Variants in RYR3 observed in about 807,000 individuals in gnomAD.
RYR3 encodes the protein ryanodine receptor 3.
In RYR3, 207 loss-of-function variants were observed where a neutral mutation model predicts 584.3. The observed-to-expected ratio is 0.35, with a 90% CI of 0.32 to 0.40. The LOEUF (loss-of-function observed/expected upper bound fraction) is 0.40, where lower values mean the gene tolerates loss of function less well. Ranked by LOEUF, RYR3 falls within the 10% of genes least tolerant of loss-of-function variation. RYR3 has a pLI of 1.00. For synonymous variants in RYR3, 2,416 were observed against 2,248.5 expected (o/e 1.07, Z -2.11); for missense variants, 5,616 against 6,089.2 (o/e 0.92, Z 2.59).
In RYR3 at chr15:33,603,354, C is replaced by T; in HGVS notation, c.2154C>T (p.His718=). 1 of 1,592,810 alleles carries T rather than the reference C, an allele frequency of 6.3e-7. No individual in the cohort carries two copies. Among genetic ancestry groups the T allele is most frequent in the Non-Finnish European group, 8.6e-7 (1 of 1,168,256 alleles). Residue 718 remains histidine, a synonymous_variant, in exon 18 of 104, where the codon CAC becomes CAT. Coordinates refer to ENST00000634891, the MANE Select transcript of RYR3 (RefSeq NM_001036.6). ...ACTCCTATGGCTTTGATGGACTTCACCTTTGGTCAGGTGAGTACCTTGCTA... is the reference window on the plus strand; with the variant it reads ...ACTCCTATGGCTTTGATGGACTTCATCTTTGGTCAGGTGAGTACCTTGCTA... ...DLYSYGFDGL[H]LWSGRIPRAV... is the part of the protein sequence containing the mutation.
At chr15:33,394,499 C>G (rs117133048) in intron 1 of RYR3, among the ~76,000 whole-genome samples, 213 of 152,290 alleles carry the variant, frequency 1.4e-3, no homozygotes, top group Non-Finnish European at 2.7e-3. Flanking sequence ...GGTGTGGGAG[C>G]AAGGGGTATG....
At chr15:33,795,593 C>T (rs1008384982) in intron 67 of RYR3, among the ~76,000 whole-genome samples, 2 of 151,986 alleles carry the variant, frequency 1.3e-5, no homozygotes, top group East Asian at 1.9e-4. Context: ...AGGGTTTCGC[C>T]GTGTTGGTCA....
intron 12 of RYR3, among the ~76,000 whole-genome samples, chr15:33,576,164 TGAATTCTACCA>T (rs1242881116): frequency 2.6e-5 from 4 of 152,168 alleles, no homozygotes; most frequent in Admixed American, 2.6e-4. Flanking sequence ...ACTTAACAGC[TGAATTCTACCA>T]GAATTCTACC....
At chr15:33,746,366 A>G (rs944238450) in intron 53 of RYR3, among the ~76,000 whole-genome samples, 1 of 152,218 alleles carries the variant, frequency 6.6e-6, no homozygotes, top group Non-Finnish European at 1.5e-5. Flanking sequence ...TTTGGCTTTG[A>G]GAGGCCATTG....
At chr15:33,816,266 A>G (rs754864163) in intron 74 of RYR3, among the ~76,000 whole-genome samples, 9 of 152,234 alleles carry the variant, frequency 5.9e-5, no homozygotes, top group Non-Finnish European at 8.8e-5. Flanking sequence ...CCAGTTATTC[A>G]GTGCACCCAC....
intron 76 of RYR3, 51 bp from the exon 77 acceptor site, chr15:33,819,703 TAA>T: frequency 3.4e-6 from 3 of 870,766 alleles, no homozygotes; most frequent in Non-Finnish European, 4.8e-6. Context: ...AATAAATAAA[TAA>T]ATAAATAAAT....
chr15:33,659,672 T>G (rs2152701981), intron 32 of RYR3, 48 bp from the exon 33 acceptor site: 1 of 1,241,396 alleles, frequency 8.1e-7, no homozygotes, highest in East Asian at 2.3e-5. Flanking sequence ...GCCAGCTGTG[T>G]TGTTTGTCCA....
chr15:33,857,198 C>A (rs148051551), intron 98 of RYR3, among the ~76,000 whole-genome samples: 141 of 151,844 alleles, frequency 9.3e-4, no homozygotes, highest in African/African-American at 3.3e-3. Context: ...ACAGAAATGT[C>A]TTTTCGACAG....
At chr15:33,625,913 CTGTATCATT>C (rs2060960571) in intron 20 of RYR3, among the ~76,000 whole-genome samples, 1 of 152,130 alleles carries the variant, frequency 6.6e-6, no homozygotes, top group Non-Finnish European at 1.5e-5. Context: ...AAGCCCCATC[CTGTATCATT>C]TGTTTTTCAA....
intron 30 of RYR3, 33 bp downstream of exon 30, chr15:33,647,493 A>G (rs777706119): frequency 5.2e-6 from 8 of 1,525,088 alleles, no homozygotes; most frequent in East Asian, 2.3e-5. Flanking sequence ...GGTTTTAATT[A>G]TTTGATTCTT....
chr15:33,813,152 C>T (rs2076635732), intron 73 of RYR3, among the ~76,000 whole-genome samples, 158 bp downstream of exon 73: 1 of 152,166 alleles, frequency 6.6e-6, no homozygotes, highest in South Asian at 2.1e-4. Context: ...CATCTCGATG[C>T]CCTGTGATAG....
intron 4 of RYR3, among the ~76,000 whole-genome samples, chr15:33,531,647 A>ATATATATAT (rs34666972): frequency 1.5e-4 from 20 of 137,562 alleles, no homozygotes; most frequent in African/African-American, 5.2e-4. Flanking sequence ...ATATATATAT[A>ATATATATAT]TTTTTTTTTC....
At chr15:33,464,491 C>T (rs28579292) in intron 1 of RYR3, among the ~76,000 whole-genome samples, 33,363 of 84,972 alleles carry the variant, frequency 0.39, 6,009 homozygotes, top group East Asian at 0.44. Context: ...TATATATATA[C>T]ACATATATAT....
intron 64 of RYR3, among the ~76,000 whole-genome samples, chr15:33,775,385 A>G (rs1321329121): frequency 6.6e-6 from 1 of 152,128 alleles, no homozygotes; most frequent in Non-Finnish European, 1.5e-5. Flanking sequence ...AATGAACAGG[A>G]AGAAACAGCA....
At chr15:33,600,457 C>T (rs534344105) in intron 16 of RYR3, among the ~76,000 whole-genome samples, 20 of 152,054 alleles carry the variant, frequency 1.3e-4, no homozygotes, top group Admixed American at 5.9e-4. Flanking sequence ...CGGCACAGTT[C>T]GCTTTGCCAT....
chr15:33,513,861 A>T (rs2053254438), intron 3 of RYR3, among the ~76,000 whole-genome samples: 1 of 152,318 alleles, frequency 6.6e-6, no homozygotes, highest in Non-Finnish European at 1.5e-5. Context: ...GTGATGAAGG[A>T]TTCATAAGTC....
At chr15:33,858,034 G>A in intron 99 of RYR3, 120 bp downstream of exon 99, 1 of 1,276,634 alleles carries the variant, frequency 7.8e-7, no homozygotes, top group Admixed American at 2.4e-5. Context: ...TAGTTACAGA[G>A]CACAGCAGAG....
At chr15:33,431,242 G>A (rs561180526) in intron 1 of RYR3, among the ~76,000 whole-genome samples, 36 of 152,214 alleles carry the variant, frequency 2.4e-4, no homozygotes, top group African/African-American at 8.4e-4. Context: ...CATATCCATG[G>A]GAAACCACTT....
intron 86 of RYR3, among the ~76,000 whole-genome samples, chr15:33,834,476 C>T (rs201795016): frequency 2.0e-5 from 3 of 147,578 alleles, no homozygotes; most frequent in Non-Finnish European, 4.5e-5. Context: ...GATTTCTTTT[C>T]TTTTTTTTTT....
Sources: allele counts gnomAD v4.1 joint callset (sites outside exome capture counted in the v4.1 genomes callset), GRCh38; gene constraint gnomAD v4.1.1; transcripts MANE v1.5; gene names NCBI Gene and HGNC (gene_info 2026-07-23, HGNC 2026-07-21).